ITPR2: variants seen among roughly 807,000 people sequenced by gnomAD.
ITPR2 encodes inositol 1,4,5-trisphosphate receptor type 2, also known as inositol 1,4,5-trisphosphate-gated calcium channel ITPR2.
A neutral mutation model predicts 317.1 loss-of-function variants in ITPR2; 207 were observed. The observed-to-expected ratio is 0.65, with a 90% CI of 0.58 to 0.73. ITPR2 has a LOEUF of 0.73. Among genes scored for constraint, ITPR2 ranks in the 30% least tolerant of loss-of-function variants. ITPR2 has a pLI of 0.00. For missense variants in ITPR2, 2,613 were observed against 3,284.0 expected, an observed-to-expected ratio of 0.80 and a Z score of 4.99; for synonymous variants, 1,156 against 1,149.1, an observed-to-expected ratio of 1.01 and a Z score of -0.12.
intron 49 of ITPR2, among the ~76,000 whole-genome samples, chr12:26,427,409 A>C (rs1941092299): frequency 6.6e-6 from 1 of 152,184 alleles, no homozygotes; most frequent in Non-Finnish European, 1.5e-5. Context: ...CGGTCAAAAA[A>C]TTAATCCTAT....
intron 48 of ITPR2, among the ~76,000 whole-genome samples, chr12:26,429,176 T>C (rs559907201): frequency 1.3e-5 from 2 of 152,284 alleles, no homozygotes; most frequent in Middle Eastern, 3.4e-3. Context: ...ATCTCAGAAA[T>C]AGGCAGGAAG....
intron 2 of ITPR2, among the ~76,000 whole-genome samples, chr12:26,735,115 C>T (rs762339835): frequency 1.3e-5 from 2 of 149,398 alleles, no homozygotes; most frequent in Admixed American, 6.8e-5. Flanking sequence ...ATTCTCCTGT[C>T]TCAGCCTCCT....
At chr12:26,712,399 T>C (rs1034346589) in intron 8 of ITPR2, among the ~76,000 whole-genome samples, 1 of 152,168 alleles carries the variant, frequency 6.6e-6, no homozygotes, top group Non-Finnish European at 1.5e-5. Flanking sequence ...CATACTCTCA[T>C]AACTCAGATA....
intron 21 of ITPR2, among the ~76,000 whole-genome samples, chr12:26,643,111 T>C (rs1947031221): frequency 6.6e-6 from 1 of 152,104 alleles, no homozygotes; most frequent in African/African-American, 2.4e-5. Flanking sequence ...TTTCCCCAAG[T>C]CAGGACACAG....
At chr12:26,661,891 T>C (rs549315916) in intron 15 of ITPR2, among the ~76,000 whole-genome samples, 131 of 152,288 alleles carry the variant, frequency 8.6e-4, no homozygotes, top group Admixed American at 2.1e-3. Context: ...TGCTACTTAA[T>C]TCTTCTTCCA....
chr12:26,379,648 C>G (rs188043889), intron 55 of ITPR2, among the ~76,000 whole-genome samples: 13 of 152,250 alleles, frequency 8.5e-5, no homozygotes, highest in African/African-American at 2.9e-4. Flanking sequence ...GGGATCCCCA[C>G]CACGCCTCCT....
intron 55 of ITPR2, among the ~76,000 whole-genome samples, chr12:26,362,460 G>C (rs769932742): frequency 2.1e-4 from 32 of 152,212 alleles, no homozygotes; most frequent in African/African-American, 3.6e-4. Context: ...CACAAGCCCA[G>C]CAAGTGCTCA....
intron 2 of ITPR2, among the ~76,000 whole-genome samples, chr12:26,737,618 G>T (rs535146202): frequency 6.6e-6 from 1 of 152,152 alleles, no homozygotes; most frequent in South Asian, 2.1e-4. Flanking sequence ...AGTTCATGTT[G>T]TGCATTTACA....
intron 21 of ITPR2, among the ~76,000 whole-genome samples, chr12:26,638,910 G>A (rs1044273831): frequency 3.3e-5 from 5 of 152,194 alleles, no homozygotes; most frequent in African/African-American, 1.2e-4. Context: ...AAAATGTGAT[G>A]TAAAAGAAAA....
rs1945864456 is a variant in ITPR2 at position 26,597,066 on chromosome 12, A to G, written c.4071T>C (p.His1357=). ...CTCGGTCTCTCTCTGAACACATCAT[A>G]TGGAGAAGGATTGGAAATGATGCTC... ...NDRASFPILL[H]MMCSERDRGD... Residue 1357 remains histidine (H), a synonymous_variant, in exon 31 of 57, where the codon CAT becomes CAC. Transcript: ENST00000381340. The G allele has an allele frequency of 3.1e-6, 5 of 1,613,850 alleles. No individual in the cohort carries two copies. Among genetic ancestry groups the G allele is most frequent in the Non-Finnish European group, 2.5e-6 (3 of 1,179,886 alleles).
Position 26,411,330 on chromosome 12 carries a change from A to T in ITPR2, c.7389T>A (p.Ala2463=), listed in dbSNP as rs763888541. Reference sequence around the variant, plus strand: ...GTCCTTTCTACAAACCTGTATTTGAAGCTGGAATTGTGGGTGAACAGTTCT... The same window carrying T: ...GTCCTTTCTACAAACCTGTATTTGATGCTGGAATTGTGGGTGAACAGTTCT... ...AKENCSPTIP[A]SNTADEEYED... is the part of the protein sequence containing the mutation. The change falls in exon 52 of 57, where the codon GCT becomes GCA. Residue 2463 remains alanine (A), a synonymous_variant. Transcript: ENST00000381340. The T allele has an allele frequency of 1.9e-6, 3 of 1,612,728 alleles. No homozygotes were observed. Among genetic ancestry groups the T allele is most frequent in the Non-Finnish European group, 1.7e-6 (2 of 1,178,902 alleles).
intron 2 of ITPR2, among the ~76,000 whole-genome samples, chr12:26,760,226 T>A (rs1949605809): frequency 1.3e-5 from 2 of 152,246 alleles, no homozygotes; most frequent in African/African-American, 4.8e-5. Flanking sequence ...TTGGCTGAAT[T>A]CATAGATGTA....
chr12:26,542,198 T>A lies in ITPR2; in HGVS notation c.5073+8049A>T, dbSNP rs1944282607. On this transcript the variant is annotated intron_variant, in intron 37 of 56. Coordinates refer to ENST00000381340, the MANE Select transcript of ITPR2 (RefSeq NM_002223.4). Reference sequence around the variant, plus strand: ...ACTCAGACCGTGATCACAAGGTGGGTGTCAAGCCTTTCCTGGGCAGCTCAC... The same window carrying A: ...ACTCAGACCGTGATCACAAGGTGGGAGTCAAGCCTTTCCTGGGCAGCTCAC... Among the ~76,000 whole-genome samples the A allele has an allele frequency of 2.0e-5, 3 of 152,222 alleles. No individual in the cohort carries two copies. The South Asian group carries it at 6.2e-4, about 31-fold the overall frequency.
intron 52 of ITPR2, among the ~76,000 whole-genome samples, chr12:26,405,785 C>T (rs940197170): frequency 6.6e-6 from 1 of 152,176 alleles, no homozygotes; most frequent in Non-Finnish European, 1.5e-5. Context: ...TGGTGAAACA[C>T]CTTCTCTACT....
intron 37 of ITPR2, among the ~76,000 whole-genome samples, chr12:26,523,740 T>C (rs913336146): frequency 2.0e-5 from 3 of 152,240 alleles, no homozygotes; most frequent in Non-Finnish European, 2.9e-5. Context: ...AATCAACCCA[T>C]TTGCTTTCTA....
intron 10 of ITPR2, 146 bp downstream of exon 10, chr12:26,695,460 T>C (rs1948323281): frequency 6.3e-6 from 4 of 635,544 alleles, no homozygotes; most frequent in African/African-American, 1.8e-5. Flanking sequence ...CTAAGCCATA[T>C]CATCTTTTAC....
intron 1 of ITPR2, among the ~76,000 whole-genome samples, chr12:26,815,237 C>T (rs1950831029): frequency 6.6e-6 from 1 of 152,100 alleles, no homozygotes; most frequent in South Asian, 2.1e-4. Flanking sequence ...GAGGCTGAGG[C>T]AGGAGAATCA....
chr12:26,595,351 T>C, intron 32 of ITPR2, 114 bp downstream of exon 32: 1 of 978,932 alleles, frequency 1.0e-6, no homozygotes, highest in Non-Finnish European at 1.5e-6. Context: ...ACTTTATGAA[T>C]GAATGCAACA....
At chr12:26,750,453 T>C (rs1452475847) in intron 2 of ITPR2, among the ~76,000 whole-genome samples, 1 of 152,178 alleles carries the variant, frequency 6.6e-6, no homozygotes, top group Non-Finnish European at 1.5e-5. Context: ...AGCTGTGCAA[T>C]GACAAGGAGT....
Sources: allele counts gnomAD v4.1 joint callset (sites outside exome capture counted in the v4.1 genomes callset), GRCh38; gene constraint gnomAD v4.1.1; transcripts MANE v1.5; gene names NCBI Gene and HGNC (gene_info 2026-07-23, HGNC 2026-07-21).